The following PLD6 variants were observed in gnomAD, a reference collection of about 807,000 sequenced individuals.
The protein encoded by PLD6 is mitochondrial cardiolipin hydrolase.
A neutral mutation model predicts 9.7 loss-of-function variants in PLD6; 10 were observed. The observed-to-expected ratio is 1.03, with a 90% confidence interval of 0.64 to 1.75. The LOEUF (loss-of-function observed/expected upper bound fraction) is 1.75, where lower values mean the gene tolerates loss of function less well. Ranked by LOEUF, PLD6 falls within the 40% of genes most tolerant of loss-of-function variation. PLD6 has a pLI of 0.00. For synonymous variants in PLD6, 152 were observed against 159.2 expected, an observed-to-expected ratio of 0.96 and a Z score of 0.34; for missense variants, 334 against 347.6, an observed-to-expected ratio of 0.96 and a Z score of 0.31.
rs1352210451 is a variant in PLD6 at position 17,202,563 on chromosome 17, G to A, written c.*204C>T. The A allele has an allele frequency of 1.7e-6, 1 of 605,762 alleles. No homozygotes were observed. The highest frequency in any genetic ancestry group is 2.9e-6 in the Non-Finnish European group (1 of 348,186). 37.5% of individuals were successfully genotyped at this position (605,762 alleles called of 1,614,324 possible). ...CACCCCGTGGCAGGTCGTGACTGAA[G>A]TTATTTTGGCAAAGGAGCAAGAAAA... On this transcript the variant is annotated 3_prime_UTR_variant, in exon 2 of 2. Coordinates refer to ENST00000321560, the MANE Select transcript of PLD6 (RefSeq NM_178836.4).
At position 17,205,869 on chromosome 17, in the gene PLD6, G is replaced by A. The variant is rs748549035; in HGVS notation, c.418C>T (p.Arg140Cys). Residue 140 changes from arginine (R) to cysteine (C), a missense_variant, in exon 1 of 2, where the codon CGC becomes TGC. Arg to Cys is a radical substitution (Grantham distance 180). Transcript: ENST00000321560. ...ALNGSQIGLLRKAGIQVRHDQ... is the reference protein window; with the variant it reads ...ALNGSQIGLLCKAGIQVRHDQ... Reference sequence around the variant, plus strand: ...ACCCCGCCGGGCCTACCTGCCTTGCGCAGCAGACCGATTTGCGAGCCGTTG... The same window carrying A: ...ACCCCGCCGGGCCTACCTGCCTTGCACAGCAGACCGATTTGCGAGCCGTTG... 6.4e-7 allele frequency: 1 copy of A among 1,569,978 alleles called. No individual in the cohort carries two copies. Among genetic ancestry groups the A allele is most frequent in the South Asian group, 1.2e-5 (1 of 85,718 alleles).
At position 17,202,415 on chromosome 17, in the gene PLD6, C is replaced by A; in HGVS notation, c.*352G>T. ...CTGAAAGGGCCCACATCAGCCAAAGCAGGAGGGACTTTTCTAGAATCAGGG... is the reference window on the plus strand; with the variant it reads ...CTGAAAGGGCCCACATCAGCCAAAGAAGGAGGGACTTTTCTAGAATCAGGG... On this transcript the variant is annotated 3_prime_UTR_variant, in exon 2 of 2. Transcript: ENST00000321560. The A allele has an allele frequency of 3.9e-6, 1 of 254,364 alleles. No individual in the cohort carries two copies. The highest frequency in any genetic ancestry group is 7.7e-6 in the Non-Finnish European group (1 of 130,204). 15.8% of individuals were successfully genotyped at this position (254,364 alleles called of 1,614,324 possible).
At position 17,206,294 on chromosome 17, in the gene PLD6, C is replaced by G. The variant is rs12946521; in HGVS notation, c.-8G>C. 10 of 1,525,092 alleles carry G rather than the reference C, an allele frequency of 6.6e-6. No individual in the cohort carries two copies. The highest frequency in any genetic ancestry group is 8.7e-6 in the Non-Finnish European group (10 of 1,147,532). 94.5% of individuals were successfully genotyped at this position (1,525,092 alleles called of 1,614,324 possible). Reference sequence around the variant, plus strand: ...CCAACTCAACCGTCCCATGCCGCCGCTAATCCGGGACCCACAGCCACGCCG... The same window carrying G: ...CCAACTCAACCGTCCCATGCCGCCGGTAATCCGGGACCCACAGCCACGCCG... On this transcript the variant is annotated 5_prime_UTR_variant, in exon 1 of 2. Transcript: ENST00000321560.
chr17:17,202,721 TCAGAACG>T lies in PLD6; in HGVS notation c.*39_*45del. 1.3e-6 allele frequency: 2 copies of T among 1,554,108 alleles called. No homozygotes were observed. The highest frequency in any genetic ancestry group is 4.5e-5 in the East Asian group (2 of 44,300). Reference sequence around the variant, plus strand: ...TTTCTAGTGCCGAGGTCTCCCTCCCTCAGAACGCACAGCAGCCCGCAGGGAGGGCTCA... The same window carrying T: ...TTTCTAGTGCCGAGGTCTCCCTCCCTCACAGCAGCCCGCAGGGAGGGCTCA... On this transcript the variant is annotated 3_prime_UTR_variant, in exon 2 of 2. Transcript: ENST00000321560.
intron 1 of PLD6, 42 bp from the exon 2 acceptor site, chr17:17,203,140 C>T (rs1157794784): frequency 8.9e-6 from 14 of 1,577,906 alleles, no homozygotes; most frequent in Admixed American, 8.6e-5. Context: ...GCAGGAGTCC[C>T]GCCCCCAGTG....
chr17:17,203,771 G>A (rs975685343), intron 1 of PLD6, among the ~76,000 whole-genome samples: 1 of 152,202 alleles, frequency 6.6e-6, no homozygotes, highest in South Asian at 2.1e-4. Context: ...CGTCAGAAAT[G>A]GGGCTTAAAA....
In PLD6 at chr17:17,202,823, C is replaced by T. The variant is rs2046685789; in HGVS notation, c.703G>A (p.Gly235Arg). The change falls in exon 2 of 2, where the codon GGG (glycine) becomes AGG (arginine). Residue 235 changes from glycine to arginine, a missense_variant. Coordinates refer to ENST00000321560, the MANE Select transcript of PLD6 (RefSeq NM_178836.4). Reference sequence around the variant, plus strand: ...GTTCTGTGCCATGAAAGCAATCTCCCTCCAGCTCTGGAGACAGGTGGGGCA... The same window carrying T: ...GTTCTGTGCCATGAAAGCAATCTCCTTCCAGCTCTGGAGACAGGTGGGGCA... ...SCAPPVSRAG[G>R]RLLSWHRTCG... The T allele has an allele frequency of 1.2e-6, 2 of 1,614,212 alleles. No individual in the cohort carries two copies. The highest frequency in any genetic ancestry group is 1.7e-6 in the Non-Finnish European group (2 of 1,180,042).
At chr17:17,205,714 A>G in intron 1 of PLD6, 146 bp downstream of exon 1, 1 of 982,032 alleles carries the variant, frequency 1.0e-6, no homozygotes, top group Non-Finnish European at 1.5e-6. Context: ...TCTCCGCGTT[A>G]CACCACCCCG....
In PLD6 at chr17:17,201,903, T is replaced by G. The variant is rs938529145; in HGVS notation, c.*864A>C. 5 of 151,960 alleles carry G rather than the reference T, an allele frequency of 3.3e-5. No homozygotes were observed. Among genetic ancestry groups the G allele is most frequent in the African/African-American group, 1.2e-4 (5 of 41,344 alleles). 9.4% of individuals were successfully genotyped at this position (151,960 alleles called of 1,614,324 possible). ...CGGGAGGCTGAGGCAGGACAATCGT[T>G]TGAACCCAGGAGGCAGAGGATGCAG... On this transcript the variant is annotated 3_prime_UTR_variant, in exon 2 of 2. Coordinates refer to ENST00000321560, the MANE Select transcript of PLD6 (RefSeq NM_178836.4).
At chr17:17,205,740 G>A (rs971591068) in intron 1 of PLD6, 120 bp downstream of exon 1, 7 of 1,188,728 alleles carry the variant, frequency 5.9e-6, no homozygotes, top group African/African-American at 4.7e-5. Context: ...ACAAGGCCAC[G>A]AGGAAAGTAA....
At position 17,203,037 on chromosome 17, in the gene PLD6, G is replaced by A; in HGVS notation, c.489C>T (p.Asp163=). The change falls in exon 2 of 2, where the codon GAC becomes GAT. Residue 163 remains aspartate, a synonymous_variant. Coordinates refer to ENST00000321560, the MANE Select transcript of PLD6 (RefSeq NM_178836.4). ...GCGAGCCAGTGATGAGCACCCTCTTGTCCACGATGGCAAACTTGTGATGCA... is the reference window on the plus strand; with the variant it reads ...GCGAGCCAGTGATGAGCACCCTCTTATCCACGATGGCAAACTTGTGATGCA... ...GYMHHKFAIV[D]KRVLITGSLN... 1 of 1,614,208 alleles carries A rather than the reference G, an allele frequency of 6.2e-7. No homozygotes were observed. The highest frequency in any genetic ancestry group is 8.5e-7 in the Non-Finnish European group (1 of 1,180,038).
At chr17:17,204,314 G>C (rs2046699422) in intron 1 of PLD6, 1 of 152,616 alleles carries the variant, frequency 6.6e-6, no homozygotes, top group African/African-American at 2.4e-5. Flanking sequence ...GTGTCAGCAA[G>C]GTCCCTGCCC....
Position 17,206,329 on chromosome 17 carries a change from A to G in PLD6, c.-43T>C. The G allele has an allele frequency of 1.4e-6, 2 of 1,472,730 alleles. No homozygotes were observed. Among genetic ancestry groups the G allele is most frequent in the Non-Finnish European group, 1.8e-6 (2 of 1,121,242 alleles). 91.2% of individuals were successfully genotyped at this position (1,472,730 alleles called of 1,614,324 possible). On this transcript the variant is annotated 5_prime_UTR_variant, in exon 1 of 2. Transcript: ENST00000321560. ...ACCCACAGCCACGCCGCCGCAGCGG[A>G]GTCTGCGCGCCCCCAGCCCTAGACC...
intron 1 of PLD6, among the ~76,000 whole-genome samples, chr17:17,204,920 T>TA (rs1316751460): frequency 3.3e-5 from 5 of 152,248 alleles, no homozygotes; most frequent in African/African-American, 1.2e-4. Flanking sequence ...AACAAGAGGC[T>TA]ATGGCTGTGC....
intron 1 of PLD6, among the ~76,000 whole-genome samples, chr17:17,205,031 C>G (rs976689973): frequency 1.3e-5 from 2 of 152,000 alleles, no homozygotes; most frequent in African/African-American, 4.8e-5. Context: ...CAGATCCAAC[C>G]GTTGCACGTG....
rs1409753642 is a variant in PLD6, at chr17:17,201,979, C to A, written c.*788G>T. On this transcript the variant is annotated 3_prime_UTR_variant, in exon 2 of 2. Coordinates refer to ENST00000321560, the MANE Select transcript of PLD6 (RefSeq NM_178836.4). The stretch of plus-strand genomic sequence containing the variant: ...CCAGCCTGGGCCACAGAGTGAGACT[C>A]CATCTCAAAAAAGATAAATAAATAA... 1 of 151,976 alleles carries A rather than the reference C, an allele frequency of 6.6e-6. No homozygotes were observed. Among genetic ancestry groups the A allele is most frequent in the East Asian group, 1.9e-4 (1 of 5,172 alleles). 9.4% of individuals were successfully genotyped at this position (151,976 alleles called of 1,614,324 possible).
Position 17,202,368 on chromosome 17 carries a change from G to C in PLD6, c.*399C>G, listed in dbSNP as rs4985749. 20 of 196,542 alleles carry C rather than the reference G, an allele frequency of 1.0e-4. No homozygotes were observed. The East Asian group carries it at 2.3e-3, about 22-fold the overall frequency. The allele number at this position is 196,542 out of a possible 1,614,324, so 12.2% of individuals were successfully genotyped here. On this transcript the variant is annotated 3_prime_UTR_variant, in exon 2 of 2. Coordinates refer to ENST00000321560, the MANE Select transcript of PLD6 (RefSeq NM_178836.4). ...ACCCCAGTCGTGCCACATGGAGAGAGGGATGAAATCTCAGGGAGATGCTGA... is the reference window on the plus strand; with the variant it reads ...ACCCCAGTCGTGCCACATGGAGAGACGGATGAAATCTCAGGGAGATGCTGA...
chr17:17,205,417 C>A (rs1037337748), intron 1 of PLD6, among the ~76,000 whole-genome samples: 4 of 152,178 alleles, frequency 2.6e-5, no homozygotes, highest in African/African-American at 7.2e-5. Flanking sequence ...ACAACCCTGG[C>A]GTCCAGCTCC....
In PLD6 at chr17:17,202,818, T is replaced by C. The variant is rs1475892463; in HGVS notation, c.708A>G (p.Arg236=). Residue 236 remains arginine (R), a synonymous_variant, in exon 2 of 2, where the codon AGA becomes AGG. Transcript: ENST00000321560. ...CAPPVSRAGG[R]LLSWHRTCGT... Reference sequence around the variant, plus strand: ...CGCAAGTTCTGTGCCATGAAAGCAATCTCCCTCCAGCTCTGGAGACAGGTG... The same window carrying C: ...CGCAAGTTCTGTGCCATGAAAGCAACCTCCCTCCAGCTCTGGAGACAGGTG... 5.6e-6 allele frequency: 9 copies of C among 1,614,112 alleles called. No individual in the cohort carries two copies. The highest frequency in any genetic ancestry group is 7.6e-6 in the Non-Finnish European group (9 of 1,180,026).
Sources: gnomAD v4.1 joint callset for allele counts (sites outside exome capture counted in the v4.1 genomes callset) on GRCh38, gnomAD v4.1.1 for gene constraint, MANE v1.5 for transcripts, NCBI Gene and HGNC (gene_info 2026-07-23, HGNC 2026-07-21) for gene names.